SBF2: variants seen among roughly 807,000 people sequenced by gnomAD.
The protein encoded by SBF2 is myotubularin-related protein 13.
SBF2 carries 112 observed loss-of-function variants against 225.2 expected under a neutral mutation model. That is an observed-to-expected ratio of 0.50 (90% CI 0.43 to 0.58). SBF2 has a LOEUF of 0.58. SBF2 is among the 20% of genes least tolerant of loss of function. The pLI is 0.00. For synonymous variants in SBF2, 763 were observed against 773.3 expected (o/e 0.99, Z 0.22); for missense variants, 1,996 against 2,206.2 (o/e 0.90, Z 1.91).
intron 25 of SBF2, 83 bp from the exon 26 acceptor site, chr11:9,839,779 C>T (rs1855985128): frequency 2.9e-6 from 4 of 1,356,360 alleles, no homozygotes; most frequent in South Asian, 1.2e-5. Context: ...GGGGAGCTCA[C>T]TCTCATCTGA....
intron 9 of SBF2, among the ~76,000 whole-genome samples, chr11:9,997,735 GC>G (rs1947768592): frequency 6.6e-6 from 1 of 152,182 alleles, no homozygotes; most frequent in African/African-American, 2.4e-5. Flanking sequence ...CCCAGATCGT[GC>G]CACTGCACTC....
At chr11:10,045,379 C>T (rs1949815823) in intron 2 of SBF2, among the ~76,000 whole-genome samples, 1 of 152,080 alleles carries the variant, frequency 6.6e-6, no homozygotes, top group Non-Finnish European at 1.5e-5. Context: ...GTTGGCCAGG[C>T]TGGTCTTGAA....
chr11:10,023,155 T>C (rs1481461741), intron 6 of SBF2, among the ~76,000 whole-genome samples: 3 of 152,228 alleles, frequency 2.0e-5, no homozygotes, highest in Non-Finnish European at 2.9e-5. Flanking sequence ...TTTTTCTTTA[T>C]TGATAAATTT....
At chr11:10,116,180 A>C (rs1274941486) in intron 2 of SBF2, among the ~76,000 whole-genome samples, 1 of 152,188 alleles carries the variant, frequency 6.6e-6, no homozygotes, top group Non-Finnish European at 1.5e-5. Context: ...AAAAGAAAAA[A>C]AGGAAAAAAA....
rs1851881112 is a variant in SBF2 at position 9,779,222 on chromosome 11, G to T, written c.*1196C>A. 1 of 152,478 alleles carries T rather than the reference G, an allele frequency of 6.6e-6. No homozygotes were observed. The highest frequency in any genetic ancestry group is 6.6e-5 in the Admixed American group (1 of 15,260). The allele number at this position is 152,478 out of a possible 1,614,324, so 9.4% of individuals were successfully genotyped here. A position where few individuals can be genotyped will look rare whatever the true frequency, so the allele number is the denominator to read the frequency against. ...TTAATTTATATTAAATTATAAGCAG[G>T]CTATCTGAAAAACAAGGATATAGAA... On this transcript the variant is annotated 3_prime_UTR_variant, in exon 40 of 40. Coordinates refer to ENST00000256190, the MANE Select transcript of SBF2 (RefSeq NM_030962.4).
chr11:10,266,088 T>G (rs77247802), intron 1 of SBF2, among the ~76,000 whole-genome samples: 3,256 of 152,272 alleles, frequency 0.021, 90 homozygotes, highest in African/African-American at 0.064. Context: ...GTTCATTTAA[T>G]CCTCATAACA....
intron 16 of SBF2, among the ~76,000 whole-genome samples, chr11:9,915,445 CA>C (rs60692182): frequency 0.31 from 33,712 of 109,486 alleles, 3,312 homozygotes; most frequent in East Asian, 0.37. Context: ...GAGTCCGTCT[CA>C]AAAAAAAAAA....
chr11:10,102,850 T>C (rs1362314605), intron 2 of SBF2, among the ~76,000 whole-genome samples: 2 of 152,194 alleles, frequency 1.3e-5, no homozygotes, highest in Admixed American at 6.5e-5. Context: ...TATGAAAATC[T>C]TACCTTATGG....
At chr11:9,840,409 A>G (rs1856048659) in intron 25 of SBF2, among the ~76,000 whole-genome samples, 1 of 152,244 alleles carries the variant, frequency 6.6e-6, no homozygotes, top group Admixed American at 6.5e-5. Context: ...AGTGTAATGA[A>G]TAGTCAAGAA....
chr11:10,079,834 C>A (rs1833837966), intron 2 of SBF2, among the ~76,000 whole-genome samples: 1 of 152,040 alleles, frequency 6.6e-6, no homozygotes, highest in African/African-American at 2.4e-5. Context: ...ATTCTAAAAT[C>A]AGCAAGAGTA....
At chr11:9,830,838 T>C (rs1010047182) in intron 27 of SBF2, among the ~76,000 whole-genome samples, 9 of 151,244 alleles carry the variant, frequency 6.0e-5, no homozygotes, top group African/African-American at 2.2e-4. Context: ...AAGTTGAATA[T>C]GAAATATAGT....
chr11:10,110,487 T>A (rs1952785248), intron 2 of SBF2, among the ~76,000 whole-genome samples: 1 of 152,114 alleles, frequency 6.6e-6, no homozygotes, highest in Non-Finnish European at 1.5e-5. Context: ...GACTTCAAGA[T>A]CTAAAATAAA....
intron 1 of SBF2, among the ~76,000 whole-genome samples, chr11:10,245,940 CA>C (rs1959744737): frequency 6.6e-6 from 1 of 152,076 alleles, no homozygotes; most frequent in South Asian, 2.1e-4. Flanking sequence ...GCCAAACTCA[CA>C]AAAGAACAGT....
chr11:9,816,820 T>C lies in SBF2; in HGVS notation c.3978+20A>G. 4 of 1,612,462 alleles carry C rather than the reference T, an allele frequency of 2.5e-6. No individual in the cohort carries two copies. Among genetic ancestry groups the C allele is most frequent in the East Asian group, 2.2e-5 (1 of 44,878 alleles). On this transcript the variant is annotated intron_variant, in intron 29 of 39. Coordinates refer to ENST00000256190, the MANE Select transcript of SBF2 (RefSeq NM_030962.4). ...CTAGCGTATCCATAAAGTTTCTAAG[T>C]GAGAAAAAAGAAATCTTACCCTTAG...
At chr11:9,888,258 G>A (rs917046187) in intron 17 of SBF2, among the ~76,000 whole-genome samples, 3 of 152,162 alleles carry the variant, frequency 2.0e-5, no homozygotes, top group African/African-American at 7.2e-5. Flanking sequence ...AACACTTGGG[G>A]AAGCCAAGGG....
chr11:10,160,987 G>A (rs991783540), intron 2 of SBF2, among the ~76,000 whole-genome samples: 3 of 152,060 alleles, frequency 2.0e-5, no homozygotes, highest in African/African-American at 7.2e-5. Context: ...AGGAGTTCGA[G>A]ACACGCCTGG....
At position 10,097,774 on chromosome 11, in the gene SBF2, A is replaced by G. The variant is rs187220470; in HGVS notation, c.142-54793T>C. On this transcript the variant is annotated intron_variant, in intron 2 of 39. Transcript: ENST00000256190. ...TTAGCTATTTCTTCATCCCTCCCCTAAAGCCGCACAGCCCAGTGCCAAGAG... is the reference window on the plus strand; with the variant it reads ...TTAGCTATTTCTTCATCCCTCCCCTGAAGCCGCACAGCCCAGTGCCAAGAG... Among the ~76,000 whole-genome samples the G allele has an allele frequency of 3.9e-5, 6 of 152,282 alleles. No homozygotes were observed. The East Asian group carries it at 1.2e-3, about 29-fold the overall frequency.
chr11:10,043,444 A>G (rs1456418459), intron 2 of SBF2, among the ~76,000 whole-genome samples: 4 of 152,262 alleles, frequency 2.6e-5, no homozygotes, highest in Admixed American at 2.6e-4. Flanking sequence ...ATTCTTGTCC[A>G]TAAAACATAC....
intron 3 of SBF2, among the ~76,000 whole-genome samples, chr11:10,035,014 A>C (rs1436456371): frequency 3.9e-5 from 6 of 152,148 alleles, no homozygotes; most frequent in Non-Finnish European, 1.5e-5. Context: ...CTAGGCCTCT[A>C]GTCTTCAGTT....
Sources: allele counts gnomAD v4.1 joint callset (sites outside exome capture counted in the v4.1 genomes callset), GRCh38; gene constraint gnomAD v4.1.1; transcripts MANE v1.5; gene names NCBI Gene and HGNC (gene_info 2026-07-23, HGNC 2026-07-21).